ATRX: variants seen among roughly 807,000 people sequenced by gnomAD.
ATRX encodes chromatin remodeler ATRX.
ATRX carries 12 observed loss-of-function variants against 172.6 expected under a neutral mutation model. That is an observed-to-expected ratio of 0.07 (90% CI 0.04 to 0.11). The LOEUF (loss-of-function observed/expected upper bound fraction) is 0.11. Among genes scored for constraint, ATRX ranks in the 10% least tolerant of loss-of-function variants. ATRX has a pLI of 1.00. For synonymous variants in ATRX, 674 were observed against 594.7 expected, an observed-to-expected ratio of 1.13 and a Z score of -1.94; for missense variants, 1,368 against 1,767.4, an observed-to-expected ratio of 0.77 and a Z score of 4.05.
intron 20 of ATRX, 62 bp downstream of exon 20, chrX:77,620,333 T>C: frequency 1.7e-6 from 2 of 1,149,772 alleles, no homozygotes; most frequent in Non-Finnish European, 2.4e-6. Context: ...AATGGTAACG[T>C]TACAAAAATA....
chrX:77,741,708 C>T (rs538513266), intron 1 of ATRX, among the ~76,000 whole-genome samples: 49 of 111,437 alleles, frequency 4.4e-4, no homozygotes, highest in African/African-American at 1.5e-3. Flanking sequence ...GTGATCCACC[C>T]GCCTCAGCCT....
chrX:77,605,765 C>A (rs1176910156), intron 22 of ATRX, among the ~76,000 whole-genome samples: 10 of 110,753 alleles, frequency 9.0e-5, no homozygotes, highest in Non-Finnish European at 5.7e-5. Flanking sequence ...AACAACACAT[C>A]AAAAAGTTTA....
At chrX:77,560,947 T>C (rs782335595) in intron 28 of ATRX, among the ~76,000 whole-genome samples, 1 of 111,555 alleles carries the variant, frequency 9.0e-6, no homozygotes, top group Non-Finnish European at 1.9e-5. Flanking sequence ...ACTCTGGCTA[T>C]GTTACCATTA....
At chrX:77,592,543 T>C (rs781873931) in intron 26 of ATRX, among the ~76,000 whole-genome samples, 9 of 111,286 alleles carry the variant, frequency 8.1e-5, no homozygotes, top group African/African-American at 2.9e-4. Flanking sequence ...CCGGGCGTGG[T>C]GTCTCACGCC....
At chrX:77,629,193 T>C (rs2068002775) in intron 19 of ATRX, among the ~76,000 whole-genome samples, 1 of 112,427 alleles carries the variant, frequency 8.9e-6, no homozygotes, top group South Asian at 3.6e-4. Flanking sequence ...TCTTTAACAT[T>C]ACACCCAAAC....
chrX:77,654,031 A>G, intron 14 of ATRX, 67 bp downstream of exon 14: 1 of 902,946 alleles, frequency 1.1e-6, no homozygotes, highest in African/African-American at 1.9e-5. Context: ...ACAGAGAGGT[A>G]ACAGCATAAT....
chrX:77,556,897 T>G (rs1557059367), intron 30 of ATRX, among the ~76,000 whole-genome samples: 1 of 111,896 alleles, frequency 8.9e-6, no homozygotes, highest in African/African-American at 3.2e-5. Flanking sequence ...GTGTGTAAAC[T>G]TGGGTAAGTT....
chrX:77,581,999 C>G (rs2065840213), intron 27 of ATRX, among the ~76,000 whole-genome samples: 1 of 111,557 alleles, frequency 9.0e-6, no homozygotes, highest in South Asian at 3.8e-4. Context: ...ACACAACATA[C>G]CAAAAAACAT....
At position 77,682,895 on chromosome X, in the gene ATRX, G is replaced by A; in HGVS notation, c.2361C>T (p.Gly787=). 1.7e-6 allele frequency: 2 copies of A among 1,210,110 alleles called. No individual in the cohort carries two copies. The highest frequency in any genetic ancestry group is 2.2e-6 in the Non-Finnish European group (2 of 895,063). Residue 787 remains glycine, a synonymous_variant, in exon 9 of 35, where the codon GGC becomes GGT. Transcript: ENST00000373344. ...TGCCCTTTTTAGTATCAAAATCTGA[G>A]CCAGATGTAGAACTTTTTCGTTTCC... is the stretch of plus-strand genomic sequence containing the variant. The part of the protein sequence containing the change: ...GKRKRKSSTS[G]SDFDTKKGKS...
intron 10 of ATRX, 137 bp from the exon 11 acceptor site, chrX:77,664,915 A>G: frequency 1.6e-6 from 1 of 633,062 alleles, no homozygotes. Flanking sequence ...ATAAACAACT[A>G]GCAAAACCAT....
At chrX:77,771,417 T>A (rs1557199049) in intron 1 of ATRX, among the ~76,000 whole-genome samples, 1 of 108,330 alleles carries the variant, frequency 9.2e-6, no homozygotes, top group East Asian at 2.9e-4. Flanking sequence ...CCAACTAGCA[T>A]CCTTCTTTCC....
At chrX:77,634,232 T>A (rs1300369888) in intron 17 of ATRX, among the ~76,000 whole-genome samples, 13 of 54,055 alleles carry the variant, frequency 2.4e-4, no homozygotes, top group East Asian at 1.3e-3. Context: ...TTAAAAGTTG[T>A]AAAAAAAAAA....
intron 1 of ATRX, among the ~76,000 whole-genome samples, chrX:77,726,319 T>C (rs1317525188): frequency 9.1e-6 from 1 of 110,051 alleles, no homozygotes; most frequent in Non-Finnish European, 1.9e-5. Flanking sequence ...TCATGTCCTA[T>C]ATAGGGACAT....
At position 77,681,766 on chromosome X, in the gene ATRX, C is replaced by A. The variant is rs781923763; in HGVS notation, c.3490G>T (p.Asp1164Tyr). The change falls in exon 9 of 35, where the codon GAT becomes TAT. Residue 1164 changes from aspartate (D) to tyrosine (Y), a missense_variant. Asp to Tyr is a radical substitution (Grantham distance 160, BLOSUM62 -3). Around this residue, in one of 17 missense-constraint regions of ATRX, gnomAD observed 843 missense variants for 643.1 expected, o/e 1.31. Transcript: ENST00000373344. The part of the protein sequence containing the change: ...SSSDAEESSE[D>Y]NKKKKQRTSS... ...GTTCTTTGCTTCTTCTTTTTATTATCTTCAGAACTTTCCTCAGCATCAGAT... is the reference window on the plus strand; with the variant it reads ...GTTCTTTGCTTCTTCTTTTTATTATATTCAGAACTTTCCTCAGCATCAGAT... The A allele has an allele frequency of 5.8e-6, 7 of 1,197,679 alleles. No homozygotes were observed. The highest frequency in any genetic ancestry group is 7.8e-6 in the Non-Finnish European group (7 of 891,843).
intron 2 of ATRX, among the ~76,000 whole-genome samples, chrX:77,708,156 A>C (rs1212289633): frequency 8.9e-6 from 1 of 112,479 alleles, no homozygotes; most frequent in Non-Finnish European, 1.9e-5. Flanking sequence ...ATTATTCCTA[A>C]CAGCCAAAAC....
chrX:77,562,481 T>C (rs1557062530), intron 28 of ATRX, among the ~76,000 whole-genome samples: 2 of 111,947 alleles, frequency 1.8e-5, no homozygotes, highest in African/African-American at 6.5e-5. Flanking sequence ...TTTAATGTTG[T>C]CACTATTTTT....
At chrX:77,711,507 G>GT (rs2073107343) in intron 2 of ATRX, among the ~76,000 whole-genome samples, 1 of 112,432 alleles carries the variant, frequency 8.9e-6, no homozygotes, top group African/African-American at 3.2e-5. Flanking sequence ...TAATAAGTAC[G>GT]TTAAGCAAGT....
At chrX:77,618,033 C>T (rs1557097817) in intron 21 of ATRX, among the ~76,000 whole-genome samples, 1 of 111,617 alleles carries the variant, frequency 9.0e-6, no homozygotes, top group African/African-American at 3.3e-5. Flanking sequence ...TACAGGTGTG[C>T]ACCACTGTAC....
intron 34 of ATRX, 24 bp downstream of exon 34, chrX:77,520,764 A>C (rs201842479): frequency 8.9e-5 from 107 of 1,201,327 alleles, no homozygotes; most frequent in Non-Finnish European, 9.8e-5. Flanking sequence ...TAACCTAGAA[A>C]TAGTCAGACG....
Sources: allele counts gnomAD v4.1 joint callset (sites outside exome capture counted in the v4.1 genomes callset), GRCh38; gene constraint gnomAD v4.1.1; regional missense constraint gnomAD v4.1.1; transcripts MANE v1.5; gene names NCBI Gene and HGNC (gene_info 2026-07-23, HGNC 2026-07-21).